MKRN3: variants seen among roughly 807,000 people sequenced by gnomAD.
The protein encoded by MKRN3 is E3 ubiquitin-protein ligase makorin-3.
For synonymous variants in MKRN3, 301 were observed against 250.2 expected, an observed-to-expected ratio of 1.20 and a Z score of -1.91; for missense variants, 749 against 667.0, an observed-to-expected ratio of 1.12 and a Z score of -1.35.
In MKRN3 at chr15:23,568,006, A is replaced by G; in HGVS notation, c.*700A>G. On this transcript the variant is annotated 3_prime_UTR_variant, in exon 1 of 1. Transcript: ENST00000314520. Reference sequence around the variant, plus strand: ...ATATTTATGTTTATGTAATAAAGTAAATACAGAGCTGAAAGCTGAAGGTCA... The same window carrying G: ...ATATTTATGTTTATGTAATAAAGTAGATACAGAGCTGAAAGCTGAAGGTCA... The G allele has an allele frequency of 4.3e-6, 3 of 705,752 alleles. No homozygotes were observed. The highest frequency in any genetic ancestry group is 6.5e-5 in the South Asian group (1 of 15,358). The allele number at this position is 705,752 out of a possible 1,614,324, so 43.7% of individuals were successfully genotyped here.
Position 23,567,712 on chromosome 15 carries a change from G to T in MKRN3, c.*406G>T, listed in dbSNP as rs1362444795. ...GCCTTAACAAATGGACCCTTGCAGGGCTTTGCAGCTGCTCATCTGTTTGTT... is the reference window on the plus strand; with the variant it reads ...GCCTTAACAAATGGACCCTTGCAGGTCTTTGCAGCTGCTCATCTGTTTGTT... On this transcript the variant is annotated 3_prime_UTR_variant, in exon 1 of 1. Coordinates refer to ENST00000314520, the MANE Select transcript of MKRN3 (RefSeq NM_005664.4). The T allele has an allele frequency of 9.8e-7, 1 of 1,016,944 alleles. No individual in the cohort carries two copies. The allele number at this position is 1,016,944 out of a possible 1,614,324, so 63.0% of individuals were successfully genotyped here.
In MKRN3 at chr15:23,567,497, A is replaced by C; in HGVS notation, c.*191A>C. 1 of 1,421,198 alleles carries C rather than the reference A, an allele frequency of 7.0e-7. No homozygotes were observed. 88.0% of individuals were successfully genotyped at this position (1,421,198 alleles called of 1,614,324 possible). A position where few individuals can be genotyped will look rare whatever the true frequency, so the allele number is the denominator to read the frequency against. ...TGTTAAAAAATAAGTCCTTAAAGTT[A>C]CTGTTTTGGTGAAATTAATATTAAT... On this transcript the variant is annotated 3_prime_UTR_variant, in exon 1 of 1. Coordinates refer to ENST00000314520, the MANE Select transcript of MKRN3 (RefSeq NM_005664.4).
In MKRN3 at chr15:23,565,747, G is replaced by C. The variant is rs1889068655; in HGVS notation, c.-36G>C. 6.6e-7 allele frequency: 1 copy of C among 1,511,492 alleles called. No homozygotes were observed. The highest frequency in any genetic ancestry group is 2.4e-5 in the East Asian group (1 of 41,210). The allele number at this position is 1,511,492 out of a possible 1,614,324, so 93.6% of individuals were successfully genotyped here. A position where few individuals can be genotyped will look rare whatever the true frequency, so the allele number is the denominator to read the frequency against. The stretch of plus-strand genomic sequence containing the variant: ...AAGCCCATAAAGAAAAAATACCGGA[G>C]AGGTTCTGGCACCATTTCGGGGTGC... On this transcript the variant is annotated 5_prime_UTR_variant, in exon 1 of 1. Coordinates refer to ENST00000314520, the MANE Select transcript of MKRN3 (RefSeq NM_005664.4).
chr15:23,567,505 G>C lies in MKRN3; in HGVS notation c.*199G>C. 1 of 1,411,164 alleles carries C rather than the reference G, an allele frequency of 7.1e-7. No homozygotes were observed. Among genetic ancestry groups the C allele is most frequent in the Non-Finnish European group, 9.2e-7 (1 of 1,081,134 alleles). 87.4% of individuals were successfully genotyped at this position (1,411,164 alleles called of 1,614,324 possible). A position where few individuals can be genotyped will look rare whatever the true frequency, so the allele number is the denominator to read the frequency against. On this transcript the variant is annotated 3_prime_UTR_variant, in exon 1 of 1. Coordinates refer to ENST00000314520, the MANE Select transcript of MKRN3 (RefSeq NM_005664.4). ...AATAAGTCCTTAAAGTTACTGTTTT[G>C]GTGAAATTAATATTAATGTCAGCTT...
At position 23,566,329 on chromosome 15, in the gene MKRN3, G is replaced by T. The variant is rs201404293; in HGVS notation, c.547G>T (p.Glu183Ter). 6.2e-7 allele frequency: 1 copy of T among 1,614,158 alleles called. No homozygotes were observed. The highest frequency in any genetic ancestry group is 1.1e-5 in the South Asian group (1 of 91,080). The part of the protein sequence containing the change: ...SAAERGFFEA[E>*]RDNADRGAAG... ...TGCTGAAAGGGGTTTCTTTGAAGCC[G>T]AGAGAGACAATGCAGACCGTGGAGC... is the stretch of plus-strand genomic sequence containing the variant. Residue 183 changes from glutamate to a stop codon, truncating the protein, a stop_gained, in exon 1 of 1, where the codon GAG (glutamate) becomes TAG (stop). Coordinates refer to ENST00000314520, the MANE Select transcript of MKRN3 (RefSeq NM_005664.4). LOFTEE classifies it low-confidence loss of function (END_TRUNC).
Position 23,566,385 on chromosome 15 carries a change from G to C in MKRN3, c.603G>C (p.Ala201=). 1 of 1,614,114 alleles carries C rather than the reference G, an allele frequency of 6.2e-7. No individual in the cohort carries two copies. Among genetic ancestry groups the C allele is most frequent in the South Asian group, 1.1e-5 (1 of 91,078 alleles). Residue 201 remains alanine (A), a synonymous_variant, in exon 1 of 1, where the codon GCG becomes GCC. Coordinates refer to ENST00000314520, the MANE Select transcript of MKRN3 (RefSeq NM_005664.4). Reference sequence around the variant, plus strand: ...GAGGAGCAGGTGTAGAAAGCTGGGCGGATGCCATTGAGTTTGTTCCAGGGC... The same window carrying C: ...GAGGAGCAGGTGTAGAAAGCTGGGCCGATGCCATTGAGTTTGTTCCAGGGC... The part of the protein sequence containing the change: ...AAGGAGVESW[A]DAIEFVPGQP...
chr15:23,566,239 A>G lies in MKRN3; in HGVS notation c.457A>G (p.Thr153Ala), dbSNP rs1889089307. 2 of 1,613,358 alleles carry G rather than the reference A, an allele frequency of 1.2e-6. No homozygotes were observed. The highest frequency in any genetic ancestry group is 1.3e-5 in the African/African-American group (1 of 74,854). Residue 153 changes from threonine (T) to alanine (A), a missense_variant, in exon 1 of 1, where the codon ACT becomes GCT. Thr to Ala is a moderately conservative substitution (Grantham distance 58). Transcript: ENST00000314520. ...PSTAAHIEPP[T>A]QEVAEAPPAA... ...CACGGCTGCGCACATCGAGCCCCCGACTCAGGAAGTGGCGGAAGCCCCCCC... is the reference window on the plus strand; with the variant it reads ...CACGGCTGCGCACATCGAGCCCCCGGCTCAGGAAGTGGCGGAAGCCCCCCC...
At position 23,565,693 on chromosome 15, in the gene MKRN3, C is replaced by T. The variant is rs965228676; in HGVS notation, c.-90C>T. 6.0e-6 allele frequency: 8 copies of T among 1,337,220 alleles called. No homozygotes were observed. Among genetic ancestry groups the T allele is most frequent in the African/African-American group, 1.5e-5 (1 of 67,840 alleles). 82.8% of individuals were successfully genotyped at this position (1,337,220 alleles called of 1,614,324 possible). On this transcript the variant is annotated 5_prime_UTR_variant, in exon 1 of 1. Transcript: ENST00000314520. Reference sequence around the variant, plus strand: ...AGATGCACACTTCCCCCAGAGAAGCCTCCGAGCGCGGCCGCCATTCCGGGC... The same window carrying T: ...AGATGCACACTTCCCCCAGAGAAGCTTCCGAGCGCGGCCGCCATTCCGGGC...
In MKRN3 at chr15:23,565,935, G is replaced by A. The variant is rs759147640; in HGVS notation, c.153G>A (p.Ala51=). ...CTCCAGATTCAGCCCTGCCACATGC[G>A]GCAAGGGGCTGGGCCCCCTTCCCTG... The part of the protein sequence containing the change: ...SAAPDSALPH[A]ARGWAPFPVA... Residue 51 remains alanine (A), a synonymous_variant, in exon 1 of 1, where the codon GCG becomes GCA. Transcript: ENST00000314520. 9.9e-6 allele frequency: 16 copies of A among 1,613,766 alleles called. No individual in the cohort carries two copies. In the East Asian group the frequency reaches 1.1e-4, roughly 11 times the overall value.
Position 23,567,685 on chromosome 15 carries a change from T to C in MKRN3, c.*379T>C. The C allele has an allele frequency of 2.9e-6, 3 of 1,046,386 alleles. No homozygotes were observed. The highest frequency in any genetic ancestry group is 3.5e-6 in the Non-Finnish European group (3 of 858,962). 64.8% of individuals were successfully genotyped at this position (1,046,386 alleles called of 1,614,324 possible). A position where few individuals can be genotyped will look rare whatever the true frequency, so the allele number is the denominator to read the frequency against. On this transcript the variant is annotated 3_prime_UTR_variant, in exon 1 of 1. Coordinates refer to ENST00000314520, the MANE Select transcript of MKRN3 (RefSeq NM_005664.4). ...TTGAACTAGTAGCTTTGTGCTATAATAGCCTTAACAAATGGACCCTTGCAG... is the reference window on the plus strand; with the variant it reads ...TTGAACTAGTAGCTTTGTGCTATAACAGCCTTAACAAATGGACCCTTGCAG...
At position 23,566,896 on chromosome 15, in the gene MKRN3, A is replaced by G; in HGVS notation, c.1114A>G (p.Ile372Val). The change falls in exon 1 of 1, where the codon ATT becomes GTT. Residue 372 changes from isoleucine (I) to valine (V), a missense_variant. Physicochemically the swap from Ile to Val is conservative, Grantham distance 29 (BLOSUM62 3). Transcript: ENST00000314520. ...PQCRVTSELV[I>V]PSEFWVEEEE... ...GTGCAGGGTCACCTCTGAATTGGTC[A>G]TTCCCAGTGAGTTCTGGGTGGAGGA... is the stretch of plus-strand genomic sequence containing the variant. The G allele has an allele frequency of 1.2e-6, 2 of 1,614,236 alleles. No homozygotes were observed. The highest frequency in any genetic ancestry group is 1.7e-6 in the Non-Finnish European group (2 of 1,180,044).
At position 23,567,307 on chromosome 15, in the gene MKRN3, C is replaced by T. The variant is rs776446143; in HGVS notation, c.*1C>T. 6.2e-7 allele frequency: 1 copy of T among 1,613,548 alleles called. No individual in the cohort carries two copies. The highest frequency in any genetic ancestry group is 8.5e-7 in the Non-Finnish European group (1 of 1,179,652). On this transcript the variant is annotated 3_prime_UTR_variant, in exon 1 of 1. Transcript: ENST00000314520. The stretch of plus-strand genomic sequence containing the variant: ...AGAATATTTCAATTTGATTCTGTAG[C>T]ATCGTGCTGTGGCATGTGGTCTAGT...
chr15:23,567,842 A>C lies in MKRN3; in HGVS notation c.*536A>C. The C allele has an allele frequency of 1.0e-6, 1 of 990,084 alleles. No individual in the cohort carries two copies. The highest frequency in any genetic ancestry group is 1.2e-6 in the Non-Finnish European group (1 of 820,868). 61.3% of individuals were successfully genotyped at this position (990,084 alleles called of 1,614,324 possible). On this transcript the variant is annotated 3_prime_UTR_variant, in exon 1 of 1. Transcript: ENST00000314520. ...ACCAAAACCAAGTGTATATGTTTACATGTTTTTATCCTGTTTAGCTTGACA... is the reference window on the plus strand; with the variant it reads ...ACCAAAACCAAGTGTATATGTTTACCTGTTTTTATCCTGTTTAGCTTGACA...
Position 23,567,834 on chromosome 15 carries a change from A to C in MKRN3, c.*528A>C. The C allele has an allele frequency of 7.0e-6, 7 of 993,130 alleles. No homozygotes were observed. Among genetic ancestry groups the C allele is most frequent in the Non-Finnish European group, 8.5e-6 (7 of 823,658 alleles). 61.5% of individuals were successfully genotyped at this position (993,130 alleles called of 1,614,324 possible). ...TTTACTTGACCAAAACCAAGTGTATATGTTTACATGTTTTTATCCTGTTTA... is the reference window on the plus strand; with the variant it reads ...TTTACTTGACCAAAACCAAGTGTATCTGTTTACATGTTTTTATCCTGTTTA... On this transcript the variant is annotated 3_prime_UTR_variant, in exon 1 of 1. Coordinates refer to ENST00000314520, the MANE Select transcript of MKRN3 (RefSeq NM_005664.4).
chr15:23,566,166 T>G lies in MKRN3; in HGVS notation c.384T>G (p.Thr128=). 6.2e-7 allele frequency: 1 copy of G among 1,614,018 alleles called. No individual in the cohort carries two copies. The highest frequency in any genetic ancestry group is 8.5e-7 in the Non-Finnish European group (1 of 1,180,000). Residue 128 remains threonine, a synonymous_variant, in exon 1 of 1, where the codon ACT becomes ACG. Transcript: ENST00000314520. ...SHDLSGRKMA[T]EGGVSPPGAS... is the part of the protein sequence containing the mutation. ...ACCTTTCTGGTCGGAAGATGGCCAC[T>G]GAGGGTGGCGTTTCGCCGCCTGGGG...
Position 23,566,941 on chromosome 15 carries a change from C to G in MKRN3, c.1159C>G (p.Leu387Val). The change falls in exon 1 of 1, where the codon CTT (leucine) becomes GTT (valine). Residue 387 changes from leucine to valine, a missense_variant. Physicochemically the swap from Leu to Val is conservative, Grantham distance 32. Transcript: ENST00000314520. Reference protein sequence around the residue: ...WVEEEEEKQKLIQQYKEAMSN... With the variant: ...WVEEEEEKQKVIQQYKEAMSN... ...GGAGGAGGAGGAAGAGAAGCAGAAA[C>G]TTATTCAGCAATACAAGGAGGCAAT... The G allele has an allele frequency of 6.2e-7, 1 of 1,614,218 alleles. No homozygotes were observed.
chr15:23,566,134 T>C lies in MKRN3; in HGVS notation c.352T>C (p.Ser118Pro). 1 of 1,614,150 alleles carries C rather than the reference T, an allele frequency of 6.2e-7. No homozygotes were observed. The highest frequency in any genetic ancestry group is 8.5e-7 in the Non-Finnish European group (1 of 1,180,032). The change falls in exon 1 of 1, where the codon TCG becomes CCG. Residue 118 changes from serine (S) to proline (P), a missense_variant. By Grantham distance (74) the Ser-to-Pro change is moderately conservative (BLOSUM62 -1). Coordinates refer to ENST00000314520, the MANE Select transcript of MKRN3 (RefSeq NM_005664.4). ...QCKEGENCRYSHDLSGRKMAT... is the reference protein window; with the variant it reads ...QCKEGENCRYPHDLSGRKMAT... ...CAAGGAGGGGGAGAACTGTCGCTAT[T>C]CGCACGACCTTTCTGGTCGGAAGAT...
chr15:23,566,420 G>C lies in MKRN3; in HGVS notation c.638G>C (p.Arg213Pro). 1 of 1,614,136 alleles carries C rather than the reference G, an allele frequency of 6.2e-7. No homozygotes were observed. The highest frequency in any genetic ancestry group is 8.5e-7 in the Non-Finnish European group (1 of 1,180,022). ...AIEFVPGQPY[R>P]GRWVASAPEA... is the part of the protein sequence containing the mutation. Reference sequence around the variant, plus strand: ...GAGTTTGTTCCAGGGCAGCCCTACCGGGGCCGCTGGGTTGCATCTGCCCCC... The same window carrying C: ...GAGTTTGTTCCAGGGCAGCCCTACCCGGGCCGCTGGGTTGCATCTGCCCCC... The change falls in exon 1 of 1, where the codon CGG becomes CCG. Residue 213 changes from arginine to proline, a missense_variant. By Grantham distance (103) the Arg-to-Pro change is moderately radical. Coordinates refer to ENST00000314520, the MANE Select transcript of MKRN3 (RefSeq NM_005664.4).
In MKRN3 at chr15:23,567,910, A is replaced by T. The variant is rs1263127806; in HGVS notation, c.*604A>T. On this transcript the variant is annotated 3_prime_UTR_variant, in exon 1 of 1. Coordinates refer to ENST00000314520, the MANE Select transcript of MKRN3 (RefSeq NM_005664.4). ...GGAAATATATATTTAAGAATTATAT[A>T]TATAAAAATATATATGTATAAGAGT... 1.3e-6 allele frequency: 1 copy of T among 761,838 alleles called. No homozygotes were observed. Among genetic ancestry groups the T allele is most frequent in the African/African-American group, 1.9e-5 (1 of 52,170 alleles). 47.2% of individuals were successfully genotyped at this position (761,838 alleles called of 1,614,324 possible).
Sources: gnomAD v4.1 joint callset for allele counts on GRCh38, gnomAD v4.1.1 for gene constraint, MANE v1.5 for transcripts, NCBI Gene and HGNC (gene_info 2026-07-23, HGNC 2026-07-21) for gene names.